Variants in RYR1 observed in about 807,000 individuals in gnomAD.
The protein encoded by RYR1 is ryanodine receptor 1, also known as central core disease of muscle.
A neutral mutation model predicts 583.5 loss-of-function variants in RYR1; 342 were observed. The observed-to-expected ratio is 0.59, with a 90% confidence interval of 0.54 to 0.64. The LOEUF (loss-of-function observed/expected upper bound fraction) is 0.64, where lower values mean the gene tolerates loss of function less well. Among genes scored for constraint, RYR1 ranks in the 30% least tolerant of loss-of-function variants. The probability of loss-of-function intolerance (pLI) is 0.00; values close to 1 mark genes in which losing one functional copy is unlikely to be tolerated. For synonymous variants in RYR1, 2,791 were observed against 2,822.5 expected (o/e 0.99, Z 0.35); for missense variants, 6,032 against 6,917.2 (o/e 0.87, Z 4.54).
At chr19:38,464,047 C>T (rs565219615) in intron 22 of RYR1, among the ~76,000 whole-genome samples, 197 bp downstream of exon 22, 75 of 151,856 alleles carry the variant, frequency 4.9e-4, no homozygotes, top group Non-Finnish European at 8.7e-4. Flanking sequence ...GAGGCCGAGA[C>T]GGGTGGATCA....
At chr19:38,546,312 G>C (rs1972420755) in intron 87 of RYR1, 133 bp from the exon 88 acceptor site, 2 of 738,522 alleles carry the variant, frequency 2.7e-6, no homozygotes, top group Non-Finnish European at 2.4e-6. Flanking sequence ...AACATGTCTG[G>C]ACTCGGGTCC....
chr19:38,562,851 T>C (rs143449840), intron 90 of RYR1, among the ~76,000 whole-genome samples: 1,895 of 152,140 alleles, frequency 0.012, 29 homozygotes, highest in Middle Eastern at 0.034. Flanking sequence ...TTACTCCTGA[T>C]CCCTCCCTGG....
At chr19:38,568,796 G>A (rs1034049362) in intron 93 of RYR1, among the ~76,000 whole-genome samples, 3 of 137,256 alleles carry the variant, frequency 2.2e-5, no homozygotes, top group Admixed American at 7.0e-5. Flanking sequence ...AGGGAATCAT[G>A]TGGAACGAAG....
At position 38,500,870 on chromosome 19, in the gene RYR1, C is replaced by T. The variant is rs753387071; in HGVS notation, c.7494C>T (p.His2498=). Residue 2498 remains histidine, a synonymous_variant, in exon 47 of 106, where the codon CAC becomes CAT. Coordinates refer to ENST00000359596, the MANE Select transcript of RYR1 (RefSeq NM_000540.3). The surrounding 1 kb of genome is among the most constrained non-coding windows in gnomAD (Gnocchi z 5.9). ...TGTCAGCATCCTTCGTGCCGGACCA[C>T]AAGGCGTCCATGGTGCTCTTCCTGG... The part of the protein sequence containing the change: ...PKMSASFVPD[H]KASMVLFLDR... The T allele has an allele frequency of 6.2e-7, 1 of 1,614,140 alleles. No individual in the cohort carries two copies. Among genetic ancestry groups the T allele is most frequent in the Non-Finnish European group, 8.5e-7 (1 of 1,180,024 alleles).
intron 99 of RYR1, 31 bp from the exon 100 acceptor site, chr19:38,579,951 C>G: frequency 3.7e-6 from 6 of 1,613,832 alleles, no homozygotes; most frequent in Non-Finnish European, 5.1e-6. Flanking sequence ...TCCCTGCCTT[C>G]CCCCTGACCC....
At chr19:38,460,319 A>G in intron 19 of RYR1, 56 bp from the exon 20 acceptor site, 6 of 1,516,004 alleles carry the variant, frequency 4.0e-6, no homozygotes, top group Non-Finnish European at 5.5e-6. Context: ...CCCACTGACC[A>G]CAGACTGTCC....
chr19:38,512,563 C>T lies in RYR1; in HGVS notation c.9472+80C>T, dbSNP rs1970780133. 7.5e-7 allele frequency: 1 copy of T among 1,340,706 alleles called. No individual in the cohort carries two copies. Among genetic ancestry groups the T allele is most frequent in the Non-Finnish European group, 1.1e-6 (1 of 945,478 alleles). 83.1% of individuals were successfully genotyped at this position (1,340,706 alleles called of 1,614,324 possible). On this transcript the variant is annotated intron_variant, in intron 63 of 105. Transcript: ENST00000359596. The surrounding 1 kb of genome is among the most constrained non-coding windows in gnomAD (Gnocchi z 5.1). Reference sequence around the variant, plus strand: ...CCCATCCGGGTGCCTGTGAGAGTCCCTGGGTGTTTGAATGTGTGGATTTCT... The same window carrying T: ...CCCATCCGGGTGCCTGTGAGAGTCCTTGGGTGTTTGAATGTGTGGATTTCT...
At position 38,475,459 on chromosome 19, in the gene RYR1, C is replaced by G; in HGVS notation, c.4293+9C>G. 1 of 1,613,284 alleles carries G rather than the reference C, an allele frequency of 6.2e-7. No individual in the cohort carries two copies. The highest frequency in any genetic ancestry group is 8.5e-7 in the Non-Finnish European group (1 of 1,180,022). On this transcript the variant is annotated intron_variant, in intron 29 of 105. Transcript: ENST00000359596. ...TCCTCAACACCACCACGGTGTGGAC[C>G]AGTAACCCTCAATTTTGGGGTCCCC... is the stretch of plus-strand genomic sequence containing the variant.
intron 104 of RYR1, 151 bp downstream of exon 104, chr19:38,586,342 C>T: frequency 9.2e-7 from 1 of 1,092,262 alleles, no homozygotes; most frequent in Non-Finnish European, 1.4e-6. Context: ...AGGGTGGGGC[C>T]CCGCAAGATG....
Position 38,464,677 on chromosome 19 carries a change from A to T in RYR1, c.2825A>T (p.Asp942Val). Residue 942 changes from aspartate (D) to valine (V), a missense_variant, in exon 23 of 106, where the codon GAT (aspartate) becomes GTT (valine). By Grantham distance (152) the Asp-to-Val change is radical. Around this residue, in one of 11 missense-constraint regions of RYR1, gnomAD observed 2,627 missense variants for 2,961.3 expected, o/e 0.89. Coordinates refer to ENST00000359596, the MANE Select transcript of RYR1 (RefSeq NM_000540.3). Reference protein sequence around the residue: ...LALGCHVGMADEKAEDNLKKT... With the variant: ...LALGCHVGMAVEKAEDNLKKT... ...CTGGGCTGCCACGTGGGCATGGCGG[A>T]TGAGAAGGCGGAGGACAACCTGAAG... 1 of 1,594,350 alleles carries T rather than the reference A, an allele frequency of 6.3e-7. No individual in the cohort carries two copies. Among genetic ancestry groups the T allele is most frequent in the Non-Finnish European group, 8.5e-7 (1 of 1,170,720 alleles).
chr19:38,536,645 C>T, intron 82 of RYR1, 105 bp from the exon 83 acceptor site: 1 of 1,323,914 alleles, frequency 7.6e-7, no homozygotes, highest in Non-Finnish European at 1.1e-6. Context: ...GTGTGTCTTT[C>T]TGTGTCTCTG....
intron 89 of RYR1, among the ~76,000 whole-genome samples, chr19:38,549,236 C>T (rs996107502): frequency 4.6e-5 from 7 of 152,110 alleles, no homozygotes; most frequent in Non-Finnish European, 8.8e-5. Flanking sequence ...CCTAACTCTC[C>T]ATCTTTTCTT....
chr19:38,535,886 A>G (rs1971940911), intron 81 of RYR1, 111 bp from the exon 82 acceptor site: 1 of 911,286 alleles, frequency 1.1e-6, no homozygotes, highest in Non-Finnish European at 1.8e-6. Flanking sequence ...CAGCGCATAG[A>G]TGGTTTACTG....
chr19:38,500,715 C>T lies in RYR1; in HGVS notation c.7433C>T (p.Thr2478Ile), dbSNP rs141298868. ...GIISLPLQIP[T>I]LGKDGALVQP... ...ATCAGCCTCCCACTGCAGATTCCCA[C>T]CCTGGGCAAAGGTGCAGAGGGGATG... Residue 2478 changes from threonine (T) to isoleucine (I), a missense_variant, in exon 46 of 106, where the codon ACC becomes ATC. By Grantham distance (89) the Thr-to-Ile change is moderately conservative. Around this residue, in one of 11 missense-constraint regions of RYR1, gnomAD observed 2,627 missense variants for 2,961.3 expected, o/e 0.89. Transcript: ENST00000359596. This position sits in a 1 kb window ranked among gnomAD's most constrained non-coding sequence, Gnocchi z 5.9. 1.2e-6 allele frequency: 2 copies of T among 1,614,022 alleles called. No individual in the cohort carries two copies. The highest frequency in any genetic ancestry group is 2.7e-5 in the African/African-American group (2 of 74,924).
In RYR1 at chr19:38,569,320, CT is replaced by C. The variant is rs935704387; in HGVS notation, c.13660-1274del. Among the ~76,000 whole-genome samples, 321 of 145,836 alleles carry C rather than the reference CT, an allele frequency of 2.2e-3. 1 individual carries two copies. The highest frequency in any genetic ancestry group is 2.0e-3 in the Non-Finnish European group (129 of 65,890). ...CTGCACCTGGCCGAATATTTTTAAT[CT>C]TTTTTTTTTTTTAATTACTGCTCCT... On this transcript the variant is annotated intron_variant, in intron 93 of 105. Coordinates refer to ENST00000359596, the MANE Select transcript of RYR1 (RefSeq NM_000540.3).
At chr19:38,573,029 C>A in intron 95 of RYR1, 148 bp from the exon 96 acceptor site, 2 of 1,316,748 alleles carry the variant, frequency 1.5e-6, no homozygotes, top group Non-Finnish European at 2.1e-6. Flanking sequence ...AAGCCCTCTG[C>A]CTGGGCCTCA....
At position 38,569,175 on chromosome 19, in the gene RYR1, T is replaced by A. The variant is rs191026710; in HGVS notation, c.13659+1258T>A. On this transcript the variant is annotated intron_variant, in intron 93 of 105. Coordinates refer to ENST00000359596, the MANE Select transcript of RYR1 (RefSeq NM_000540.3). ...ACAGGCGCCCGCCGCCACGCCTGGC[T>A]AATTTTTTGTATTTTTAGTAGAAAC... Among the ~76,000 whole-genome samples the A allele has an allele frequency of 2.7e-3, 413 of 152,252 alleles. 3 individuals carry two copies. Among genetic ancestry groups the A allele is most frequent in the Middle Eastern group, 6.8e-3 (2 of 294 alleles).
At chr19:38,524,036 C>T (rs1383649924) in intron 70 of RYR1, 107 bp downstream of exon 70, 3 of 1,273,528 alleles carry the variant, frequency 2.4e-6, no homozygotes, top group Admixed American at 4.0e-5. Context: ...GTTCCCCACC[C>T]CCGTCCTCCC....
intron 11 of RYR1, among the ~76,000 whole-genome samples, chr19:38,449,442 CAA>C (rs74650339): frequency 6.6e-6 from 1 of 152,128 alleles, no homozygotes; most frequent in Non-Finnish European, 1.5e-5. Context: ...GCCTGGCTGA[CAA>C]GAGTGAAACT....
Sources: gnomAD v4.1 joint callset for allele counts (sites outside exome capture counted in the v4.1 genomes callset) on GRCh38, gnomAD v4.1.1 for gene constraint, gnomAD v4.1.1 regional missense constraint, Gnocchi (gnomAD v3.1) non-coding constraint, MANE v1.5 for transcripts, NCBI Gene and HGNC (gene_info 2026-07-23, HGNC 2026-07-21) for gene names.